The following TMPRSS6 variants were observed in gnomAD, a reference collection of about 807,000 sequenced individuals.
The protein encoded by TMPRSS6 is transmembrane protease serine 6.
A neutral mutation model predicts 101.5 loss-of-function variants in TMPRSS6; 67 were observed. The observed-to-expected ratio is 0.66, with a 90% CI of 0.54 to 0.81. The LOEUF (loss-of-function observed/expected upper bound fraction) is 0.81. TMPRSS6 is among the 30% of genes least tolerant of loss of function. The pLI, the probability that TMPRSS6 is intolerant of heterozygous loss-of-function variation, is 0.00. For synonymous variants in TMPRSS6, 453 were observed against 464.9 expected (o/e 0.97, Z 0.33); for missense variants, 1,034 against 1,088.7 (o/e 0.95, Z 0.71).
intron 3 of TMPRSS6, among the ~76,000 whole-genome samples, chr22:37,097,275 C>A (rs1601566863): frequency 1.3e-5 from 2 of 152,336 alleles, no homozygotes; most frequent in South Asian, 4.1e-4. Context: ...CAGAAGCAGA[C>A]CCTCCATTGA....
intron 10 of TMPRSS6, among the ~76,000 whole-genome samples, chr22:37,078,221 A>G (rs1410661524): frequency 6.6e-6 from 1 of 152,096 alleles, no homozygotes; most frequent in East Asian, 1.9e-4. Flanking sequence ...CAGAGAAGGA[A>G]CCCAAGCCGG....
At chr22:37,070,080 G>T (rs1187948170) in intron 15 of TMPRSS6, among the ~76,000 whole-genome samples, 1 of 152,148 alleles carries the variant, frequency 6.6e-6, no homozygotes, top group Non-Finnish European at 1.5e-5. Flanking sequence ...TCCCCTGGGG[G>T]CTCCCCAGCC....
chr22:37,074,574 G>T, intron 12 of TMPRSS6, 36 bp downstream of exon 12: 2 of 1,588,474 alleles, frequency 1.3e-6, no homozygotes, highest in Non-Finnish European at 8.6e-7. Flanking sequence ...GAAGGGATGG[G>T]CAGGGAGAGG....
At chr22:37,089,549 C>G in intron 7 of TMPRSS6, 29 bp downstream of exon 7, 1 of 1,258,004 alleles carries the variant, frequency 7.9e-7, no homozygotes, top group Middle Eastern at 2.2e-4. Flanking sequence ...TTCCAGCCCT[C>G]CCTCCTGCCC....
In TMPRSS6 at chr22:37,095,958, G is replaced by A. The variant is rs139207981; in HGVS notation, c.537C>T (p.Ala179=). The part of the protein sequence containing the change: ...ELLSTVNSSA[A]VPYRAEYEVD... ...CTTCGTACTCGGCCCTGTAGGGGACGGCAGCCGAGCTGTTGACTGTGGACA... is the reference window on the plus strand; with the variant it reads ...CTTCGTACTCGGCCCTGTAGGGGACAGCAGCCGAGCTGTTGACTGTGGACA... The change falls in exon 5 of 18, where the codon GCC becomes GCT. Residue 179 remains alanine (A), a synonymous_variant. Transcript: ENST00000676104. The A allele has an allele frequency of 7.0e-3, 11,342 of 1,614,154 alleles. 588 individuals carry two copies. In the South Asian group the frequency reaches 0.097, roughly 14 times the overall value.
chr22:37,067,042 T>C, intron 16 of TMPRSS6, 80 bp from the exon 17 acceptor site: 2 of 1,599,056 alleles, frequency 1.3e-6, no homozygotes, highest in Non-Finnish European at 1.7e-6. Context: ...TTATTCCCTT[T>C]GCATCTCAGG....
chr22:37,069,118 C>T lies in TMPRSS6; in HGVS notation c.2068G>A (p.Gly690Ser), dbSNP rs758689386. 21 of 1,561,358 alleles carry T rather than the reference C, an allele frequency of 1.3e-5. No homozygotes were observed. The highest frequency in any genetic ancestry group is 2.4e-5 in the East Asian group (1 of 41,814). ...LPARSHFFEP[G>S]LHCWITGWGA... ...CAGCCCGTAATCCAGCAGTGCAGGC[C>T]GGGCTCGAAGAAGTGGGAGCGCGCG... is the stretch of plus-strand genomic sequence containing the variant. The change falls in exon 16 of 18, where the codon GGC (glycine) becomes AGC (serine). Residue 690 changes from glycine (G) to serine (S), a missense_variant. Transcript: ENST00000676104. The surrounding 1 kb of genome is among the most constrained non-coding windows in gnomAD (Gnocchi z 4.8).
rs778387386 is a variant in TMPRSS6 at position 37,074,756 on chromosome 22, C to G, written c.1343-48G>C. On this transcript the variant is annotated intron_variant, in intron 11 of 17. Coordinates refer to ENST00000676104, the MANE Select transcript of TMPRSS6 (RefSeq NM_001374504.1). ...GGAGGCAGGCAGGGCGCCATTAGGCCATGCGTAGCCGCGAAGGCGCACAAA... is the reference window on the plus strand; with the variant it reads ...GGAGGCAGGCAGGGCGCCATTAGGCGATGCGTAGCCGCGAAGGCGCACAAA... The G allele has an allele frequency of 5.0e-6, 8 of 1,594,636 alleles. No individual in the cohort carries two copies. The Admixed American group carries it at 1.2e-4, about 24-fold the overall frequency.
At chr22:37,106,412 C>T (rs985279989) in intron 1 of TMPRSS6, among the ~76,000 whole-genome samples, 15 of 152,140 alleles carry the variant, frequency 9.9e-5, no homozygotes, top group Admixed American at 2.0e-4. Flanking sequence ...CCAAGCCAGG[C>T]GTCCTTCTCT....
In TMPRSS6 at chr22:37,101,484, A is replaced by C. The variant is rs911091969; in HGVS notation, c.202+1732T>G. ...TTGGGGCCTGTCCTGCTCCAGTGTCACTGGTCACTTGTGCACCTCCTCTTC... is the reference window on the plus strand; with the variant it reads ...TTGGGGCCTGTCCTGCTCCAGTGTCCCTGGTCACTTGTGCACCTCCTCTTC... On this transcript the variant is annotated intron_variant, in intron 2 of 17. Coordinates refer to ENST00000676104, the MANE Select transcript of TMPRSS6 (RefSeq NM_001374504.1). The surrounding 1 kb of genome is among the most constrained non-coding windows in gnomAD (Gnocchi z 4.1). 5.3e-5 allele frequency among the ~76,000 whole-genome samples: 8 copies of C among 151,954 alleles called. No individual in the cohort carries two copies. Among genetic ancestry groups the C allele is most frequent in the Non-Finnish European group, 7.4e-5 (5 of 67,958 alleles).
intron 13 of TMPRSS6, among the ~76,000 whole-genome samples, chr22:37,073,042 CGATGGGTGGATGGATGGAT>C (rs1272448880): frequency 1.2e-4 from 12 of 101,718 alleles, no homozygotes; most frequent in Non-Finnish European, 1.4e-4. Flanking sequence ...GACGGATGGA[CGATGGGTGGATGGATGGAT>C]GATGGATGGA....
intron 1 of TMPRSS6, among the ~76,000 whole-genome samples, chr22:37,108,383 T>C (rs16997708): frequency 0.014 from 2,073 of 152,282 alleles, 64 homozygotes; most frequent in African/African-American, 0.048. Context: ...ATGTGCAGCT[T>C]ACCTGTGGGC....
At chr22:37,099,697 C>G (rs1021359444) in intron 2 of TMPRSS6, among the ~76,000 whole-genome samples, 1 of 152,074 alleles carries the variant, frequency 6.6e-6, no homozygotes, top group African/African-American at 2.4e-5. Flanking sequence ...GTGGTCAGTG[C>G]GGTGGGAATC....
intron 3 of TMPRSS6, among the ~76,000 whole-genome samples, chr22:37,098,124 G>A (rs1268321942): frequency 2.6e-5 from 4 of 151,436 alleles, no homozygotes; most frequent in African/African-American, 9.8e-5. Flanking sequence ...TGTAACGGAG[G>A]GGCAGGAGCG....
rs1173649924 is a variant in TMPRSS6, at chr22:37,101,575, TG to T, written c.202+1640del. ...AGCGCCCAGTCCCAGGAGCACAGCC[TG>T]GTCAAGGCGGGAGGAGTCTTTCAAA... On this transcript the variant is annotated intron_variant, in intron 2 of 17. Coordinates refer to ENST00000676104, the MANE Select transcript of TMPRSS6 (RefSeq NM_001374504.1). This position sits in a 1 kb window ranked among gnomAD's most constrained non-coding sequence, Gnocchi z 4.1. Among the ~76,000 whole-genome samples, 5 of 152,056 alleles carry T rather than the reference TG, an allele frequency of 3.3e-5. No homozygotes were observed. Among genetic ancestry groups the T allele is most frequent in the Admixed American group, 2.6e-4 (4 of 15,282 alleles).
chr22:37,074,663 G>A lies in TMPRSS6; in HGVS notation c.1388C>T (p.Pro463Leu). The A allele has an allele frequency of 6.2e-7, 1 of 1,614,188 alleles. No homozygotes were observed. Among genetic ancestry groups the A allele is most frequent in the Non-Finnish European group, 8.5e-7 (1 of 1,180,010 alleles). Residue 463 changes from proline to leucine, a missense_variant, in exon 12 of 18, where the codon CCT (proline) becomes CTT (leucine). Coordinates refer to ENST00000676104, the MANE Select transcript of TMPRSS6 (RefSeq NM_001374504.1). Reference sequence around the variant, plus strand: ...GCAGTCCTTGACCCCATCACAGGCAGGGACACAGAGTCCATTCACAGAACA... The same window carrying A: ...GCAGTCCTTGACCCCATCACAGGCAAGGACACAGAGTCCATTCACAGAACA... ...FLCSVNGLCVPACDGVKDCPN... is the reference protein window; with the variant it reads ...FLCSVNGLCVLACDGVKDCPN...
chr22:37,086,712 C>T (rs1396712586), intron 7 of TMPRSS6, among the ~76,000 whole-genome samples: 1 of 152,066 alleles, frequency 6.6e-6, no homozygotes. Flanking sequence ...TGGCTCGAGT[C>T]CCATGCTCCC....
At chr22:37,105,715 G>A (rs922477669) in intron 1 of TMPRSS6, among the ~76,000 whole-genome samples, 2 of 152,158 alleles carry the variant, frequency 1.3e-5, no homozygotes, top group African/African-American at 4.8e-5. Context: ...TGTCACCCAG[G>A]CTGGAGTATG....
intron 10 of TMPRSS6, among the ~76,000 whole-genome samples, chr22:37,075,855 T>C (rs1167156147): frequency 6.6e-6 from 1 of 150,948 alleles, no homozygotes; most frequent in Non-Finnish European, 1.5e-5. Context: ...TGAGCCGAGA[T>C]CGTGCCATTG....
Sources: allele counts gnomAD v4.1 joint callset (sites outside exome capture counted in the v4.1 genomes callset), GRCh38; gene constraint gnomAD v4.1.1; non-coding constraint Gnocchi (gnomAD v3.1); transcripts MANE v1.5; gene names NCBI Gene and HGNC (gene_info 2026-07-23, HGNC 2026-07-21).